Variants in KIAA1755 observed in about 807,000 individuals in gnomAD.
The protein encoded by KIAA1755 is uncharacterized protein KIAA1755.
KIAA1755 carries 68 observed loss-of-function variants against 91.7 expected under a neutral mutation model. The observed-to-expected ratio is 0.74, with a 90% CI of 0.61 to 0.91. The LOEUF is 0.91. Ranked by LOEUF, KIAA1755 falls within the 40% of genes least tolerant of loss-of-function variation. The pLI is 0.00. For missense variants in KIAA1755, 1,535 were observed against 1,494.4 expected, an observed-to-expected ratio of 1.03 and a Z score of -0.45; for synonymous variants, 610 against 604.6, an observed-to-expected ratio of 1.01 and a Z score of -0.13.
chr20:38,231,150 G>A (rs2075853967), intron 5 of KIAA1755, 52 bp downstream of exon 5: 2 of 1,569,058 alleles, frequency 1.3e-6, no homozygotes, highest in Non-Finnish European at 1.7e-6. Flanking sequence ...AGGGCTCTGG[G>A]CCCAGAGGGT....
chr20:38,225,579 AG>A lies in KIAA1755; in HGVS notation c.2169+85del, dbSNP rs1431285296. 15 of 863,682 alleles carry A rather than the reference AG, an allele frequency of 1.7e-5. 1 individual carries two copies. The highest frequency in any genetic ancestry group is 3.0e-5 in the Non-Finnish European group (15 of 497,370). The allele number at this position is 863,682 out of a possible 1,614,324, so 53.5% of individuals were successfully genotyped here. ...GTGACCGTTTATTTTTTAGCATAGC[AG>A]GGTTGATGGATCCATGGGACAGAAG... On this transcript the variant is annotated intron_variant, in intron 8 of 13. Coordinates refer to ENST00000279024, the MANE Select transcript of KIAA1755 (RefSeq NM_001029864.2).
At chr20:38,245,860 C>T in intron 2 of KIAA1755, 69 bp downstream of exon 2, 2 of 1,485,400 alleles carry the variant, frequency 1.3e-6, no homozygotes, top group Non-Finnish European at 1.9e-6. Context: ...ACCTCCTTCT[C>T]TGCCCGCCTC....
Position 38,223,642 on chromosome 20 carries a change from G to A in KIAA1755, c.2170-6C>T, listed in dbSNP as rs961003823. 1.2e-6 allele frequency: 2 copies of A among 1,601,466 alleles called. No homozygotes were observed. The highest frequency in any genetic ancestry group is 1.3e-5 in the African/African-American group (1 of 74,130). On this transcript the variant is annotated splice_region_variant and splice_polypyrimidine_tract_variant and intron_variant, in intron 8 of 13. Transcript: ENST00000279024. ...GCAAGGAAAGGGTCCAGCTTCTGCA[G>A]GACAGAGGACCAAAGGGCAGGTGTC...
rs559488213 is a variant in KIAA1755 at position 38,217,532 on chromosome 20, C to T, written c.2680-58G>A. 1.1e-3 allele frequency: 1,370 copies of T among 1,295,652 alleles called. 2 individuals carry two copies. The highest frequency in any genetic ancestry group is 2.0e-3 in the Admixed American group (97 of 48,584). 80.3% of individuals were successfully genotyped at this position (1,295,652 alleles called of 1,614,324 possible). A position where few individuals can be genotyped will look rare whatever the true frequency, so the allele number is the denominator to read the frequency against. On this transcript the variant is annotated intron_variant, in intron 12 of 13. Transcript: ENST00000279024. ...CACCCACCTTGGCTGGGGCCTCCCT[C>T]GGAGGTCAGCAACCTCCAGCTGCCT...
Position 38,212,411 on chromosome 20 carries a change from A to G in KIAA1755, c.*631T>C, listed in dbSNP as rs1180195627. ...AGTTTGAGACCAGCCTGGGCAATGT[A>G]GTGAGGCCCCATCTCTAAACATAAA... On this transcript the variant is annotated 3_prime_UTR_variant, in exon 14 of 14. Coordinates refer to ENST00000279024, the MANE Select transcript of KIAA1755 (RefSeq NM_001029864.2). The G allele has an allele frequency of 6.6e-6, 1 of 152,248 alleles. No individual in the cohort carries two copies. Among genetic ancestry groups the G allele is most frequent in the African/African-American group, 2.4e-5 (1 of 41,444 alleles). 9.4% of individuals were successfully genotyped at this position (152,248 alleles called of 1,614,324 possible).
chr20:38,214,201 GCA>G (rs1568727650), intron 13 of KIAA1755, among the ~76,000 whole-genome samples: 1 of 152,036 alleles, frequency 6.6e-6, no homozygotes, highest in African/African-American at 2.4e-5. Context: ...TCCACCCGCC[GCA>G]GCCTCCCAAA....
rs1208696871 is a variant in KIAA1755, at chr20:38,222,476, C to T, written c.2390G>A (p.Ser797Asn). The change falls in exon 10 of 14, where the codon AGC (serine) becomes AAC (asparagine). Residue 797 changes from serine (S) to asparagine (N), a missense_variant. Physicochemically the swap from Ser to Asn is conservative, Grantham distance 46. Coordinates refer to ENST00000279024, the MANE Select transcript of KIAA1755 (RefSeq NM_001029864.2). ...ATLARLQHDA[S>N]RLDFSPDVRS... ...GACATCAGGGCTGAAGTCCAGCCTG[C>T]TGGCATCATGCTGCAGCCTGGCCAG... 1 of 1,613,534 alleles carries T rather than the reference C, an allele frequency of 6.2e-7. No homozygotes were observed. Among genetic ancestry groups the T allele is most frequent in the Admixed American group, 1.7e-5 (1 of 60,018 alleles).
chr20:38,246,158 G>A (rs1330437358), intron 1 of KIAA1755, 32 bp from the exon 2 acceptor site: 3 of 1,574,388 alleles, frequency 1.9e-6, no homozygotes, highest in Non-Finnish European at 2.6e-6. Context: ...GGTGATAATA[G>A]CAATGATAAT....
At chr20:38,249,088 C>T (rs1170434844) in intron 1 of KIAA1755, among the ~76,000 whole-genome samples, 1 of 152,078 alleles carries the variant, frequency 6.6e-6, no homozygotes, top group African/African-American at 2.4e-5. Flanking sequence ...GTTGCCCAGG[C>T]TGGTCTTGAA....
At chr20:38,218,403 G>T (rs1400692181) in intron 11 of KIAA1755, 37 bp from the exon 12 acceptor site, 1 of 1,611,474 alleles carries the variant, frequency 6.2e-7, no homozygotes, top group East Asian at 2.2e-5. Flanking sequence ...ATGAGGGGCT[G>T]CTAGGAGACC....
At chr20:38,218,215 G>C (rs1490111282) in intron 12 of KIAA1755, 29 bp downstream of exon 12, 1 of 1,613,828 alleles carries the variant, frequency 6.2e-7, no homozygotes, top group East Asian at 2.2e-5. Flanking sequence ...ATCTGCTCCA[G>C]TCCTGCTCCT....
intron 1 of KIAA1755, among the ~76,000 whole-genome samples, chr20:38,258,153 G>A (rs1265898400): frequency 6.6e-6 from 1 of 152,076 alleles, no homozygotes; most frequent in South Asian, 2.1e-4. Context: ...CGCCAGCCTC[G>A]GCCTCCCAAA....
rs150187673 is a variant in KIAA1755, at chr20:38,240,861, G to A, written c.1270C>T (p.Arg424Cys). 251 of 1,614,030 alleles carry A rather than the reference G, an allele frequency of 1.6e-4. No individual in the cohort carries two copies. Among genetic ancestry groups the A allele is most frequent in the Non-Finnish European group, 1.9e-4 (219 of 1,180,020 alleles). The change falls in exon 3 of 14, where the codon CGC (arginine) becomes TGC (cysteine). Residue 424 changes from arginine (R) to cysteine (C), a missense_variant. Arg to Cys is a radical substitution (Grantham distance 180). Transcript: ENST00000279024. ...RPGPRQASSPRLSPASPAAAA... is the reference protein window; with the variant it reads ...RPGPRQASSPCLSPASPAAAA... ...GCTGCAGGAGAAGCTGGGGACAGGC[G>A]GGGAGAGGAGGCTTGTCTTGGTCCA...
At chr20:38,234,055 C>T (rs1258484448) in intron 4 of KIAA1755, among the ~76,000 whole-genome samples, 2 of 151,096 alleles carry the variant, frequency 1.3e-5, no homozygotes, top group African/African-American at 4.8e-5. Context: ...AGGAGAGAGG[C>T]CACAGAAGGA....
intron 1 of KIAA1755, among the ~76,000 whole-genome samples, chr20:38,252,852 A>G (rs1455659640): frequency 6.6e-6 from 1 of 152,178 alleles, no homozygotes; most frequent in Non-Finnish European, 1.5e-5. Context: ...CCAGGGGCTC[A>G]TAAGCCATCC....
In KIAA1755 at chr20:38,218,228, G is replaced by A. The variant is rs773193649; in HGVS notation, c.2679+16C>T. ...CCATCTGCTCCAGTCCTGCTCCTCT[G>A]TTGTCTGGAACGCACTGCAGCCTGG... is the stretch of plus-strand genomic sequence containing the variant. On this transcript the variant is annotated intron_variant, in intron 12 of 13. Transcript: ENST00000279024. 6.2e-7 allele frequency: 1 copy of A among 1,614,050 alleles called. No homozygotes were observed. Among genetic ancestry groups the A allele is most frequent in the Non-Finnish European group, 8.5e-7 (1 of 1,180,022 alleles).
rs1328113649 is a variant in KIAA1755, at chr20:38,260,688, CTG to C, written c.-190_-189del. On this transcript the variant is annotated 5_prime_UTR_variant, in exon 1 of 14. An upstream open reading frame in the 5' UTR loses its in-frame stop. Transcript: ENST00000279024. ...CGGCCGGGGAGGACAGGGAGAGAGA[CTG>C]AGAGAGAGACAGAGAGGGACTGAGG... 8 of 541,966 alleles carry C rather than the reference CTG, an allele frequency of 1.5e-5. No homozygotes were observed. The highest frequency in any genetic ancestry group is 1.2e-4 in the African/African-American group (6 of 50,346). 33.6% of individuals were successfully genotyped at this position (541,966 alleles called of 1,614,324 possible).
intron 1 of KIAA1755, among the ~76,000 whole-genome samples, chr20:38,246,347 G>A (rs532250898): frequency 1.3e-5 from 2 of 152,228 alleles, no homozygotes; most frequent in South Asian, 2.1e-4. Flanking sequence ...TGCACTGGCT[G>A]TTCCCTCTGC....
intron 7 of KIAA1755, 29 bp from the exon 8 acceptor site, chr20:38,225,810 G>T: frequency 1.4e-6 from 2 of 1,387,160 alleles, no homozygotes; most frequent in Non-Finnish European, 2.0e-6. Context: ...GGAGAACCAG[G>T]GACTCAAAGT....
Sources: gnomAD v4.1 joint callset for allele counts (sites outside exome capture counted in the v4.1 genomes callset) on GRCh38, gnomAD v4.1.1 for gene constraint, MANE v1.5 for transcripts, NCBI Gene and HGNC (gene_info 2026-07-23, HGNC 2026-07-21) for gene names.